Variants in PRKCE observed in about 807,000 individuals in gnomAD.
The protein encoded by PRKCE is protein kinase C epsilon type.
A neutral mutation model predicts 85.4 loss-of-function variants in PRKCE; 16 were observed. The ratio of observed to expected loss-of-function variants is 0.19; its 90% CI spans 0.13 to 0.28. The LOEUF is 0.28. Ranked by LOEUF, PRKCE falls within the 10% of genes least tolerant of loss-of-function variation. The pLI, the probability that PRKCE is intolerant of heterozygous loss-of-function variation, is 1.00. For missense variants in PRKCE, 573 were observed against 975.2 expected, an observed-to-expected ratio of 0.59 and a Z score of 5.49; for synonymous variants, 388 against 371.5, an observed-to-expected ratio of 1.04 and a Z score of -0.51.
intron 10 of PRKCE, among the ~76,000 whole-genome samples, chr2:46,046,886 G>C (rs1452873700): frequency 1.3e-5 from 2 of 152,172 alleles, no homozygotes; most frequent in African/African-American, 4.8e-5. Context: ...TAGTCATTGA[G>C]TGATCATTGG....
At chr2:45,708,610 A>C (rs1286531851) in intron 1 of PRKCE, among the ~76,000 whole-genome samples, 5 of 152,192 alleles carry the variant, frequency 3.3e-5, no homozygotes, top group Admixed American at 2.6e-4. Context: ...GTGGAACTGT[A>C]AGTCCATTAA....
chr2:45,736,567 C>G (rs1682080606), intron 1 of PRKCE, among the ~76,000 whole-genome samples: 1 of 152,200 alleles, frequency 6.6e-6, no homozygotes, highest in Non-Finnish European at 1.5e-5. Context: ...GGAGTCTACT[C>G]CTCGCTCTGA....
At chr2:45,768,725 C>A (rs938139075) in intron 1 of PRKCE, among the ~76,000 whole-genome samples, 1 of 152,194 alleles carries the variant, frequency 6.6e-6, no homozygotes, top group Admixed American at 6.5e-5. Context: ...TGAAGGAAAA[C>A]CCATTTCTAC....
At chr2:45,868,851 G>A (rs1191704949) in intron 2 of PRKCE, among the ~76,000 whole-genome samples, 1 of 151,570 alleles carries the variant, frequency 6.6e-6, no homozygotes, top group Non-Finnish European at 1.5e-5. Flanking sequence ...CCAGCTACTT[G>A]GGAGGCTGAG....
intron 2 of PRKCE, among the ~76,000 whole-genome samples, chr2:45,892,942 C>T (rs558064746): frequency 6.6e-6 from 1 of 152,308 alleles, no homozygotes; most frequent in South Asian, 2.1e-4. Context: ...GGCAGCATCT[C>T]CACGGGGCTC....
intron 10 of PRKCE, among the ~76,000 whole-genome samples, chr2:46,063,626 G>A (rs1329042737): frequency 1.3e-5 from 2 of 152,118 alleles, no homozygotes; most frequent in African/African-American, 2.4e-5. Context: ...GTTTTCCCTT[G>A]TATTTGAAAA....
chr2:45,920,453 T>G (rs1163090348), intron 2 of PRKCE, among the ~76,000 whole-genome samples: 1 of 152,232 alleles, frequency 6.6e-6, no homozygotes, highest in African/African-American at 2.4e-5. Flanking sequence ...GACCTGTGCA[T>G]GCATATTCAT....
chr2:46,140,131 A>G lies in PRKCE; in HGVS notation c.1593-4962A>G, dbSNP rs555192297. Among the ~76,000 whole-genome samples, 10 of 152,350 alleles carry G rather than the reference A, an allele frequency of 6.6e-5. No homozygotes were observed. In the South Asian group the frequency reaches 8.3e-4, roughly 13 times the overall value. On this transcript the variant is annotated intron_variant, in intron 11 of 14. Transcript: ENST00000306156. ...ATCATAAAAATATCAACTCTCCCTA[A>G]GTTAATTTATAACTTTAAACATATT...
At chr2:45,830,520 C>A (rs1573527061) in intron 1 of PRKCE, among the ~76,000 whole-genome samples, 2 of 152,278 alleles carry the variant, frequency 1.3e-5, no homozygotes, top group East Asian at 3.9e-4. Context: ...AAGGATCATT[C>A]CTACTGGTCC....
At chr2:46,135,503 G>T (rs1674881452) in intron 11 of PRKCE, among the ~76,000 whole-genome samples, 1 of 152,162 alleles carries the variant, frequency 6.6e-6, no homozygotes, top group South Asian at 2.1e-4. Flanking sequence ...CAGAGCACTT[G>T]TGGGATTAAA....
chr2:45,867,383 G>A (rs1386265469), intron 2 of PRKCE, among the ~76,000 whole-genome samples: 2 of 152,162 alleles, frequency 1.3e-5, no homozygotes, highest in African/African-American at 4.8e-5. Context: ...TATATTCCAT[G>A]CAAGATTTGG....
intron 2 of PRKCE, among the ~76,000 whole-genome samples, chr2:45,899,135 T>C (rs926894596): frequency 2.6e-5 from 4 of 152,216 alleles, no homozygotes; most frequent in Admixed American, 6.5e-5. Context: ...GAAAGGAGAC[T>C]GAGCTTTGGC....
Position 46,004,833 on chromosome 2 carries a change from C to A in PRKCE, c.1063+195C>A, listed in dbSNP as rs1705029451. On this transcript the variant is annotated intron_variant, in intron 8 of 14. Coordinates refer to ENST00000306156, the MANE Select transcript of PRKCE (RefSeq NM_005400.3). The surrounding 1 kb of genome is among the most constrained non-coding windows in gnomAD (Gnocchi z 4.1). ...AGACCTTCTTGAGGGCTGGGCACTC[C>A]ATGGCCATATCTGCCTTAATTTCCT... Among the ~76,000 whole-genome samples the A allele has an allele frequency of 6.6e-6, 1 of 152,204 alleles. No individual in the cohort carries two copies. The highest frequency in any genetic ancestry group is 1.5e-5 in the Non-Finnish European group (1 of 68,036).
At chr2:45,841,522 C>T (rs374046407) in intron 1 of PRKCE, among the ~76,000 whole-genome samples, 35 of 152,370 alleles carry the variant, frequency 2.3e-4, no homozygotes, top group African/African-American at 7.7e-4. Flanking sequence ...CTGCTTTATT[C>T]TAGCCACGCT....
intron 10 of PRKCE, 195 bp downstream of exon 10, chr2:46,010,712 C>A (rs761989876): frequency 1.3e-6 from 2 of 1,598,302 alleles, no homozygotes; most frequent in African/African-American, 2.7e-5. Context: ...CAAGGTTGTG[C>A]TTGTGAAGGG....
chr2:45,942,483 G>A (rs1215242744), intron 2 of PRKCE, among the ~76,000 whole-genome samples: 1 of 152,218 alleles, frequency 6.6e-6, no homozygotes, highest in Non-Finnish European at 1.5e-5. Context: ...GTCATATTAT[G>A]TGTGACATGT....
At chr2:45,709,982 G>A (rs1679471551) in intron 1 of PRKCE, among the ~76,000 whole-genome samples, 1 of 152,132 alleles carries the variant, frequency 6.6e-6, no homozygotes, top group Non-Finnish European at 1.5e-5. Context: ...GCTAATTTTT[G>A]TATTATTTAG....
intron 1 of PRKCE, among the ~76,000 whole-genome samples, chr2:45,712,881 G>C (rs114388129): frequency 6.6e-6 from 1 of 152,078 alleles, no homozygotes; most frequent in Non-Finnish European, 1.5e-5. Context: ...ATTTATCTTC[G>C]TATTCGCCCC....
At chr2:46,125,725 T>C (rs1422168086) in intron 11 of PRKCE, among the ~76,000 whole-genome samples, 2 of 152,220 alleles carry the variant, frequency 1.3e-5, no homozygotes, top group African/African-American at 2.4e-5. Flanking sequence ...ATACAGACAC[T>C]TAGTAGGTAC....
Sources: allele counts gnomAD v4.1 joint callset (sites outside exome capture counted in the v4.1 genomes callset), GRCh38; gene constraint gnomAD v4.1.1; non-coding constraint Gnocchi (gnomAD v3.1); transcripts MANE v1.5; gene names NCBI Gene and HGNC (gene_info 2026-07-23, HGNC 2026-07-21).